Variants in RCAN2 observed in about 807,000 individuals in gnomAD.
RCAN2 encodes the protein regulator of calcineurin 2.
RCAN2 carries 9 observed loss-of-function variants against 23.6 expected under a neutral mutation model. The ratio of observed to expected loss-of-function variants is 0.38; its 90% CI spans 0.23 to 0.67. RCAN2 has a LOEUF of 0.67. RCAN2 is among the 30% of genes least tolerant of loss of function. The probability of loss-of-function intolerance (pLI) is 0.51; values close to 1 mark genes in which losing one functional copy is unlikely to be tolerated. For synonymous variants in RCAN2, 109 were observed against 115.7 expected (o/e 0.94, Z 0.37); for missense variants, 273 against 302.3 (o/e 0.90, Z 0.72).
chr6:46,449,621 A>T (rs116396792), intron 2 of RCAN2, among the ~76,000 whole-genome samples: 2,571 of 151,968 alleles, frequency 0.017, 69 homozygotes, highest in African/African-American at 0.059. Context: ...ACATAAAAAC[A>T]GGCATGTGGA....
At chr6:46,319,201 T>C (rs1763534214) in intron 2 of RCAN2, among the ~76,000 whole-genome samples, 1 of 152,202 alleles carries the variant, frequency 6.6e-6, no homozygotes, top group Non-Finnish European at 1.5e-5. Context: ...GCTTACCACC[T>C]AAACACATAA....
intron 4 of RCAN2, among the ~76,000 whole-genome samples, chr6:46,230,512 A>T (rs1025721517): frequency 2.0e-5 from 3 of 152,130 alleles, no homozygotes; most frequent in Non-Finnish European, 2.9e-5. Flanking sequence ...GCCACCTTGC[A>T]GTTTGATCTC....
chr6:46,443,194 A>C (rs1321154356), intron 2 of RCAN2, among the ~76,000 whole-genome samples: 6 of 152,190 alleles, frequency 3.9e-5, no homozygotes, highest in Non-Finnish European at 7.4e-5. Flanking sequence ...TATATATTTT[A>C]TGTCTAATTT....
rs188241709 is a variant in RCAN2 at position 46,480,323 on chromosome 6, T to C, written c.-3+10850A>G. Among the ~76,000 whole-genome samples the C allele has an allele frequency of 2.0e-3, 305 of 152,368 alleles. 1 individual carries two copies. The highest frequency in any genetic ancestry group is 6.9e-3 in the African/African-American group (287 of 41,590). ...GATAACATGTGGGGTCTTTAGCCAG[T>C]GCTTGGTGCTTAATAGGTCCTCAAT... On this transcript the variant is annotated intron_variant, in intron 1 of 4. Coordinates refer to ENST00000371374, the MANE Select transcript of RCAN2 (RefSeq NM_001251974.2).
intron 2 of RCAN2, among the ~76,000 whole-genome samples, chr6:46,290,570 T>A (rs1255146278): frequency 6.6e-6 from 1 of 152,196 alleles, no homozygotes; most frequent in African/African-American, 2.4e-5. Flanking sequence ...TGAATTATTG[T>A]TCCAGGATAA....
At chr6:46,379,765 A>G (rs1260971334) in intron 2 of RCAN2, among the ~76,000 whole-genome samples, 2 of 152,106 alleles carry the variant, frequency 1.3e-5, no homozygotes, top group Non-Finnish European at 1.5e-5. Context: ...ACCTTTAGAG[A>G]AAGTGTGGTT....
intron 2 of RCAN2, among the ~76,000 whole-genome samples, chr6:46,326,102 C>T (rs1372571): frequency 0.029 from 4,446 of 152,246 alleles, 227 homozygotes; most frequent in African/African-American, 0.1. Flanking sequence ...TAATGCATCC[C>T]GGGCATGGGC....
chr6:46,480,582 T>C lies in RCAN2; in HGVS notation c.-3+10591A>G, dbSNP rs1768833454. ...TCACATTCTGGAAAAAAGAAACCTA[T>C]TCACCCACGCAAAATGAAACTAGAC... On this transcript the variant is annotated intron_variant, in intron 1 of 4. Transcript: ENST00000371374. 5.9e-5 allele frequency among the ~76,000 whole-genome samples: 9 copies of C among 152,228 alleles called. No individual in the cohort carries two copies. The South Asian group carries it at 1.9e-3, about 32-fold the overall frequency.
intron 2 of RCAN2, among the ~76,000 whole-genome samples, chr6:46,450,895 A>G (rs1767859904): frequency 6.6e-6 from 1 of 152,102 alleles, no homozygotes; most frequent in African/African-American, 2.4e-5. Context: ...ATTTTTAAAA[A>G]CCACTAAGAA....
At chr6:46,269,626 G>A (rs963809434) in intron 2 of RCAN2, among the ~76,000 whole-genome samples, 3 of 152,166 alleles carry the variant, frequency 2.0e-5, no homozygotes, top group African/African-American at 7.2e-5. Context: ...AAGTAAAGAC[G>A]GCTGGAGGAG....
At chr6:46,259,477 T>C (rs746013781) in intron 2 of RCAN2, among the ~76,000 whole-genome samples, 29 of 152,124 alleles carry the variant, frequency 1.9e-4, no homozygotes, top group Non-Finnish European at 3.4e-4. Flanking sequence ...CTAAAACAAG[T>C]ACAGTGTTTC....
In RCAN2 at chr6:46,290,733, C is replaced by T. The variant is rs527658170; in HGVS notation, c.226-41837G>A. ...TGCTGTCAAGTTAATTGGTACTAGC[C>T]AAAGATATATGACTAAAACCGTGAA... is the stretch of plus-strand genomic sequence containing the variant. On this transcript the variant is annotated intron_variant, in intron 2 of 4. Coordinates refer to ENST00000371374, the MANE Select transcript of RCAN2 (RefSeq NM_001251974.2). Among the ~76,000 whole-genome samples, 6 of 152,184 alleles carry T rather than the reference C, an allele frequency of 3.9e-5. No individual in the cohort carries two copies. In the East Asian group the frequency reaches 1.2e-3, roughly 29 times the overall value.
At position 46,444,150 on chromosome 6, in the gene RCAN2, T is replaced by C. The variant is rs562484196; in HGVS notation, c.225+12602A>G. Reference sequence around the variant, plus strand: ...AATGTAAATGGAGAAAAGGAAAATATGTCTAGGTAGGTGACACAAAATATT... The same window carrying C: ...AATGTAAATGGAGAAAAGGAAAATACGTCTAGGTAGGTGACACAAAATATT... On this transcript the variant is annotated intron_variant, in intron 2 of 4. Transcript: ENST00000371374. 2.0e-5 allele frequency among the ~76,000 whole-genome samples: 3 copies of C among 152,304 alleles called. No homozygotes were observed. In the East Asian group the frequency reaches 5.8e-4, roughly 29 times the overall value.
intron 2 of RCAN2, among the ~76,000 whole-genome samples, chr6:46,345,325 A>C (rs1690833765): frequency 6.6e-6 from 1 of 152,152 alleles, no homozygotes; most frequent in African/African-American, 2.4e-5. Context: ...CACCTTTCTC[A>C]GAAATTGATA....
rs138321494 is a variant in RCAN2, at chr6:46,371,596, C to T, written c.225+85156G>A. ...TCTTGGCTTCAAATAACAGAATACT[C>T]TACTAAAACTGGTTTGAACATGTAG... is the stretch of plus-strand genomic sequence containing the variant. On this transcript the variant is annotated intron_variant, in intron 2 of 4. Transcript: ENST00000371374. Among the ~76,000 whole-genome samples, 632 of 152,348 alleles carry T rather than the reference C, an allele frequency of 4.1e-3. 3 individuals are homozygous for T. The highest frequency in any genetic ancestry group is 7.5e-3 in the Non-Finnish European group (508 of 68,032).
At chr6:46,478,737 G>A (rs1225891151) in intron 1 of RCAN2, among the ~76,000 whole-genome samples, 2 of 152,178 alleles carry the variant, frequency 1.3e-5, no homozygotes, top group South Asian at 2.1e-4. Flanking sequence ...ACAGGGACCT[G>A]CTTTTTCTTT....
chr6:46,488,116 C>A (rs1769044249), intron 1 of RCAN2, among the ~76,000 whole-genome samples: 1 of 152,162 alleles, frequency 6.6e-6, no homozygotes, highest in Admixed American at 6.5e-5. Flanking sequence ...CCAAAAATAT[C>A]CAAACCTAGG....
intron 2 of RCAN2, among the ~76,000 whole-genome samples, chr6:46,406,564 T>C (rs1306577835): frequency 6.6e-6 from 1 of 152,218 alleles, no homozygotes; most frequent in East Asian, 1.9e-4. Context: ...GGACAGCTAT[T>C]TGAATTTTAG....
intron 2 of RCAN2, among the ~76,000 whole-genome samples, chr6:46,263,452 A>AGTGTGTGTGTGT (rs372510159): frequency 8.0e-6 from 1 of 124,376 alleles, no homozygotes; most frequent in South Asian, 3.0e-4. Context: ...GTCATCAGAG[A>AGTGTGTGTGTGT]GTGTGTGTGT....
Sources: gnomAD v4.1 joint callset for allele counts (sites outside exome capture counted in the v4.1 genomes callset) on GRCh38, gnomAD v4.1.1 for gene constraint, MANE v1.5 for transcripts, NCBI Gene and HGNC (gene_info 2026-07-23, HGNC 2026-07-21) for gene names.